Variants in MYLK4 observed in about 807,000 individuals in gnomAD.
MYLK4 encodes the protein caMLCK like.
Under a neutral mutation model 48.1 loss-of-function variants are expected in MYLK4, and 46 were observed. That is an observed-to-expected ratio of 0.96 (90% CI 0.75 to 1.22). The LOEUF is 1.22. Among genes scored for constraint, MYLK4 ranks in the 50% most tolerant of loss-of-function variants. The probability of loss-of-function intolerance (pLI) is 0.00; values close to 1 mark genes in which losing one functional copy is unlikely to be tolerated. For missense variants in MYLK4, 451 were observed against 486.1 expected (o/e 0.93, Z 0.68); for synonymous variants, 170 against 180.8 (o/e 0.94, Z 0.48).
chr6:2,769,076 A>G, the MYLK4 span, among the ~76,000 whole-genome samples: 2 of 152,208 alleles, frequency 1.3e-5, no homozygotes, highest in African/African-American at 4.8e-5. Context: ...TGCTTTCTCT[A>G]TCTGATAAAT....
At chr6:2,729,013 T>A (rs775574313) in intron 2 of MYLK4, among the ~76,000 whole-genome samples, 5 of 152,170 alleles carry the variant, frequency 3.3e-5, no homozygotes, top group South Asian at 2.1e-4. Context: ...TTGCTATGTG[T>A]ACACACATGC....
rs1430828025 is a variant in MYLK4 at position 2,711,479 on chromosome 6, C to T, written c.160-18620G>A. ...TTAGATTCCAATTACTTCAGAATCT[C>T]CTCATTAAATGTTCTTGCCTATGGC... On this transcript the variant is annotated intron_variant, in intron 2 of 12. Transcript: ENST00000274643. Among the ~76,000 whole-genome samples, 6 of 152,192 alleles carry T rather than the reference C, an allele frequency of 3.9e-5. No individual in the cohort carries two copies. The South Asian group carries it at 1.0e-3, about 26-fold the overall frequency.
chr6:2,673,358 C>T lies in MYLK4; in HGVS notation c.1119+1689G>A, dbSNP rs1233410130. 6.6e-6 allele frequency among the ~76,000 whole-genome samples: 1 copy of T among 152,186 alleles called. No individual in the cohort carries two copies. Among genetic ancestry groups the T allele is most frequent in the African/African-American group, 2.4e-5 (1 of 41,434 alleles). On this transcript the variant is annotated intron_variant, in intron 11 of 12. Transcript: ENST00000274643. This position sits in a 1 kb window ranked among gnomAD's most constrained non-coding sequence, Gnocchi z 4.2. ...ATTATCAAGGAAAGGTATATTCAGACACAAATAAAACTTAGTGCCGATGCT... is the reference window on the plus strand; with the variant it reads ...ATTATCAAGGAAAGGTATATTCAGATACAAATAAAACTTAGTGCCGATGCT...
chr6:2,731,863 G>A (rs1218950944), intron 2 of MYLK4, among the ~76,000 whole-genome samples: 1 of 152,228 alleles, frequency 6.6e-6, no homozygotes, highest in African/African-American at 2.4e-5. Flanking sequence ...GACATTTTAA[G>A]GAGACTGGTG....
At chr6:2,744,933 G>A (rs984108975) in intron 2 of MYLK4, among the ~76,000 whole-genome samples, 1 of 152,168 alleles carries the variant, frequency 6.6e-6, no homozygotes, top group African/African-American at 2.4e-5. Flanking sequence ...GGAACGGTGG[G>A]CTATGCTGAC....
At chr6:2,762,543 C>G in the MYLK4 span, among the ~76,000 whole-genome samples, 19 of 152,216 alleles carry the variant, frequency 1.2e-4, no homozygotes, top group Admixed American at 1.2e-3. Flanking sequence ...TACTGTATTT[C>G]CACATTTAGT....
chr6:2,701,337 C>G (rs1361819454), intron 2 of MYLK4, among the ~76,000 whole-genome samples: 2 of 152,130 alleles, frequency 1.3e-5, no homozygotes, highest in Non-Finnish European at 2.9e-5. Context: ...TCGGCCTCCC[C>G]GAGCCCCACT....
intron 2 of MYLK4, among the ~76,000 whole-genome samples, chr6:2,727,498 C>G (rs6925888): frequency 0.44 from 67,178 of 151,928 alleles, 15,707 homozygotes; most frequent in East Asian, 0.55. Context: ...CAAAGACAGC[C>G]GCTCTTCATA....
At chr6:2,765,909 GTGAGGAGGGCGACGACGGCGGCGAGAC>G in the MYLK4 span, 1 of 1,455,224 alleles carries the variant, frequency 6.9e-7, no homozygotes, top group South Asian at 1.3e-5. Context: ...GAGGGCGAGG[GTGAGGAGGGCGACGACGGCGGCGAGAC>G]CGAGAGCCGC....
the MYLK4 span, chr6:2,765,708 C>T: frequency 9.1e-6 from 14 of 1,545,800 alleles, no homozygotes; most frequent in South Asian, 1.1e-5. Context: ...ATGATGCCCG[C>T]CGCGCACATC....
At chr6:2,704,484 T>C (rs951006176) in intron 2 of MYLK4, among the ~76,000 whole-genome samples, 2 of 152,240 alleles carry the variant, frequency 1.3e-5, no homozygotes, top group African/African-American at 4.8e-5. Context: ...TTGATCACCT[T>C]CTCAAATTTC....
chr6:2,685,571 C>T lies in MYLK4; in HGVS notation c.347G>A (p.Arg116His), dbSNP rs922725069. 20 of 1,614,008 alleles carry T rather than the reference C, an allele frequency of 1.2e-5. No homozygotes were observed. The highest frequency in any genetic ancestry group is 1.6e-4 in the Middle Eastern group (1 of 6,084). The change falls in exon 5 of 13, where the codon CGT (arginine) becomes CAT (histidine). Residue 116 changes from arginine to histidine, a missense_variant. By Grantham distance (29) the Arg-to-His change is conservative (BLOSUM62 0). Coordinates refer to ENST00000274643, the MANE Select transcript of MYLK4 (RefSeq NM_001012418.5). This position sits in a 1 kb window ranked among gnomAD's most constrained non-coding sequence, Gnocchi z 4.5. ...CTCACACTTGTGAACCTGGCCGAAA[C>T]GCCCTCTGCCAAAAAGAGGAAGCGG... ...VSKTEILGGG[R>H]FGQVHKCEET...
In MYLK4 at chr6:2,721,017, C is replaced by T. The variant is rs571397302; in HGVS notation, c.159+28119G>A. 3.2e-4 allele frequency among the ~76,000 whole-genome samples: 48 copies of T among 151,898 alleles called. No individual in the cohort carries two copies. The East Asian group carries it at 7.0e-3, about 22-fold the overall frequency. On this transcript the variant is annotated intron_variant, in intron 2 of 12. Transcript: ENST00000274643. Reference sequence around the variant, plus strand: ...CTCTACTAAAAATACAAAAATTAGCCGGGCGTGGTGGCACCTGCCTGTAGT... The same window carrying T: ...CTCTACTAAAAATACAAAAATTAGCTGGGCGTGGTGGCACCTGCCTGTAGT...
intron 2 of MYLK4, among the ~76,000 whole-genome samples, chr6:2,717,901 C>G (rs1762924587): frequency 1.3e-5 from 2 of 152,140 alleles, no homozygotes; most frequent in Admixed American, 1.3e-4. Flanking sequence ...TAGACATCGG[C>G]CGGGTGCAGT....
At chr6:2,733,900 C>A (rs1181473848) in intron 2 of MYLK4, among the ~76,000 whole-genome samples, 2 of 152,048 alleles carry the variant, frequency 1.3e-5, no homozygotes, top group Non-Finnish European at 2.9e-5. Flanking sequence ...AACCTAGTAC[C>A]CCAGGTGATT....
At chr6:2,712,113 A>G (rs761880367) in intron 2 of MYLK4, among the ~76,000 whole-genome samples, 3 of 152,180 alleles carry the variant, frequency 2.0e-5, no homozygotes, top group Non-Finnish European at 4.4e-5. Context: ...CCATGTTTCC[A>G]CTAATGCTCA....
intron 10 of MYLK4, 127 bp downstream of exon 10, chr6:2,678,093 T>C: frequency 8.2e-7 from 1 of 1,214,860 alleles, no homozygotes; most frequent in Non-Finnish European, 1.2e-6. Flanking sequence ...TCAAACCTCA[T>C]TCTATCCATG....
chr6:2,765,481 G>T, the MYLK4 span: 1 of 1,087,788 alleles, frequency 9.2e-7, no homozygotes. Flanking sequence ...CATGAGCGGC[G>T]CCCTCCTCCG....
At chr6:2,733,097 A>G (rs1315219136) in intron 2 of MYLK4, among the ~76,000 whole-genome samples, 1 of 152,166 alleles carries the variant, frequency 6.6e-6, no homozygotes, top group African/African-American at 2.4e-5. Context: ...CTGTCAAATT[A>G]TATCCTTCTT....
Sources: gnomAD v4.1 joint callset for allele counts (sites outside exome capture counted in the v4.1 genomes callset) on GRCh38, gnomAD v4.1.1 for gene constraint, Gnocchi (gnomAD v3.1) non-coding constraint, MANE v1.5 for transcripts, NCBI Gene and HGNC (gene_info 2026-07-23, HGNC 2026-07-21) for gene names.